The following SLC49A4 variants were observed in gnomAD, a reference collection of about 807,000 sequenced individuals.
The protein encoded by SLC49A4 is solute carrier family 49 member 4, also known as disrupted in renal cancer protein 2.
A neutral mutation model predicts 50.6 loss-of-function variants in SLC49A4; 36 were observed. The observed-to-expected ratio is 0.71, with a 90% CI of 0.55 to 0.94. The LOEUF is 0.94. Among genes scored for constraint, SLC49A4 ranks in the 40% least tolerant of loss-of-function variants. The pLI is 0.00. For synonymous variants in SLC49A4, 248 were observed against 241.2 expected (o/e 1.03, Z -0.26); for missense variants, 503 against 605.7 (o/e 0.83, Z 1.78).
At chr3:122,837,062 G>A (rs1023596898) in intron 4 of SLC49A4, among the ~76,000 whole-genome samples, 2 of 152,132 alleles carry the variant, frequency 1.3e-5, no homozygotes, top group African/African-American at 4.8e-5. Flanking sequence ...AAACAAAAGA[G>A]GATACAAATA....
intron 8 of SLC49A4, among the ~76,000 whole-genome samples, chr3:122,873,060 G>A (rs1325132714): frequency 6.6e-6 from 1 of 152,186 alleles, no homozygotes; most frequent in Non-Finnish European, 1.5e-5. Flanking sequence ...GTCACCCAAT[G>A]TAAGGAATGC....
At chr3:122,871,615 CT>C (rs1030619101) in intron 7 of SLC49A4, among the ~76,000 whole-genome samples, 1 of 152,002 alleles carries the variant, frequency 6.6e-6, no homozygotes, top group Non-Finnish European at 1.5e-5. Context: ...TTTTAGGTTT[CT>C]AAATAGGGTA....
chr3:122,871,329 A>G (rs1435830903), intron 7 of SLC49A4, among the ~76,000 whole-genome samples: 1 of 152,060 alleles, frequency 6.6e-6, no homozygotes, highest in Non-Finnish European at 1.5e-5. Context: ...AGTGTGTACT[A>G]TTATTTTTTT....
At chr3:122,811,721 C>A (rs566097054) in intron 2 of SLC49A4, among the ~76,000 whole-genome samples, 117 of 152,170 alleles carry the variant, frequency 7.7e-4, no homozygotes, top group African/African-American at 2.7e-3. Flanking sequence ...CATATTGCAC[C>A]ATGAAAAGGA....
chr3:122,862,092 G>A (rs897904641), intron 7 of SLC49A4, among the ~76,000 whole-genome samples: 1 of 152,150 alleles, frequency 6.6e-6, no homozygotes, highest in Admixed American at 6.5e-5. Context: ...CTTGCAGTGC[G>A]CATCAGTGCA....
intron 8 of SLC49A4, among the ~76,000 whole-genome samples, chr3:122,875,778 G>C (rs954248599): frequency 3.3e-5 from 5 of 152,154 alleles, no homozygotes; most frequent in African/African-American, 1.2e-4. Context: ...GAATACATCA[G>C]ATAATTTTTC....
intron 7 of SLC49A4, among the ~76,000 whole-genome samples, chr3:122,864,509 T>C (rs1937092216): frequency 6.6e-6 from 1 of 152,184 alleles, no homozygotes; most frequent in Non-Finnish European, 1.5e-5. Context: ...AACAGTATAA[T>C]TTGACTGTTT....
chr3:122,819,966 T>A (rs1344775530), intron 2 of SLC49A4, among the ~76,000 whole-genome samples: 1 of 152,128 alleles, frequency 6.6e-6, no homozygotes, highest in Non-Finnish European at 1.5e-5. Flanking sequence ...CTAAATTACT[T>A]CATATTAAAA....
At chr3:122,854,307 C>T (rs897485753) in intron 5 of SLC49A4, among the ~76,000 whole-genome samples, 1 of 152,230 alleles carries the variant, frequency 6.6e-6, no homozygotes, top group Non-Finnish European at 1.5e-5. Context: ...GCAAAAGACT[C>T]ATATAAAGTT....
At chr3:122,798,902 G>T (rs1205064873) in intron 1 of SLC49A4, among the ~76,000 whole-genome samples, 1 of 151,884 alleles carries the variant, frequency 6.6e-6, no homozygotes, top group South Asian at 2.1e-4. Context: ...CTTGCACCCT[G>T]GGGGGTAGGT....
chr3:122,866,888 C>A (rs1937128285), intron 7 of SLC49A4, among the ~76,000 whole-genome samples: 1 of 152,132 alleles, frequency 6.6e-6, no homozygotes, highest in Non-Finnish European at 1.5e-5. Flanking sequence ...TGTTGCTTCT[C>A]ATGGTTAGAC....
At chr3:122,873,602 C>A (rs1937222687) in intron 8 of SLC49A4, among the ~76,000 whole-genome samples, 1 of 152,152 alleles carries the variant, frequency 6.6e-6, no homozygotes, top group African/African-American at 2.4e-5. Flanking sequence ...ATATAATGAA[C>A]AGTACATTAG....
rs1576308317 is a variant in SLC49A4 at position 122,857,389 on chromosome 3, T to C, written c.1010+1015T>C. Among the ~76,000 whole-genome samples, 3 of 151,878 alleles carry C rather than the reference T, an allele frequency of 2.0e-5. No individual in the cohort carries two copies. In the East Asian group the frequency reaches 5.8e-4, roughly 29 times the overall value. ...TTCCAAAGAGATAATATTCATTCAC[T>C]TCCCAAATCATTTTACTCTGCTCAA... On this transcript the variant is annotated intron_variant, in intron 6 of 8. Coordinates refer to ENST00000261038, the MANE Select transcript of SLC49A4 (RefSeq NM_032839.3).
At chr3:122,870,737 G>A (rs749711558) in intron 7 of SLC49A4, among the ~76,000 whole-genome samples, 6 of 151,482 alleles carry the variant, frequency 4.0e-5, no homozygotes, top group South Asian at 4.2e-4. Context: ...CACTTGAACC[G>A]GGGAGGTGGA....
chr3:122,859,537 T>C (rs1043298254), intron 6 of SLC49A4, among the ~76,000 whole-genome samples: 1 of 152,058 alleles, frequency 6.6e-6, no homozygotes, highest in Admixed American at 6.6e-5. Flanking sequence ...ATGAAGAAAA[T>C]GACAGTGACA....
rs1004985000 is a variant in SLC49A4, at chr3:122,880,459, G to T, written c.*1081G>T. The T allele has an allele frequency of 6.6e-6, 1 of 152,128 alleles. No individual in the cohort carries two copies. The highest frequency in any genetic ancestry group is 2.4e-5 in the African/African-American group (1 of 41,410). 9.4% of individuals were successfully genotyped at this position (152,128 alleles called of 1,614,324 possible). A position where few individuals can be genotyped will look rare whatever the true frequency, so the allele number is the denominator to read the frequency against. ...GAAGATAGCTTTTTAAGAAATAAGA[G>T]TTCCACATTGAGTGGCTGTCAGACA... On this transcript the variant is annotated 3_prime_UTR_variant, in exon 9 of 9. Coordinates refer to ENST00000261038, the MANE Select transcript of SLC49A4 (RefSeq NM_032839.3).
chr3:122,848,928 A>G (rs1243162230), intron 5 of SLC49A4, among the ~76,000 whole-genome samples: 1 of 152,110 alleles, frequency 6.6e-6, no homozygotes, highest in Non-Finnish European at 1.5e-5. Context: ...ATCTAACTGT[A>G]TTTTTGTACC....
chr3:122,879,168 A>T, intron 8 of SLC49A4, 95 bp from the exon 9 acceptor site: 1 of 856,678 alleles, frequency 1.2e-6, no homozygotes, highest in Non-Finnish European at 1.9e-6. Flanking sequence ...TATTATAAGT[A>T]CTTTTTAATG....
chr3:122,825,057 T>G (rs1345905916), intron 2 of SLC49A4, among the ~76,000 whole-genome samples: 1 of 152,088 alleles, frequency 6.6e-6, no homozygotes, highest in Non-Finnish European at 1.5e-5. Flanking sequence ...CTTATCAGTC[T>G]TTTTGTTTGT....
Sources: allele counts gnomAD v4.1 joint callset (sites outside exome capture counted in the v4.1 genomes callset), GRCh38; gene constraint gnomAD v4.1.1; transcripts MANE v1.5; gene names NCBI Gene and HGNC (gene_info 2026-07-23, HGNC 2026-07-21).